The following SNURF variants were observed in gnomAD, a reference collection of about 807,000 sequenced individuals.
SNURF encodes SNURF protein.
In SNURF, 6 loss-of-function variants were observed where a neutral mutation model predicts 11.6. The ratio of observed to expected loss-of-function variants is 0.52; its 90% confidence interval spans 0.28 to 1.02. The LOEUF is 1.02. Among genes scored for constraint, SNURF ranks in the 50% least tolerant of loss-of-function variants. SNURF has a pLI of 0.09. For synonymous variants in SNURF, 29 were observed against 31.6 expected (o/e 0.92, Z 0.27); for missense variants, 84 against 88.4 (o/e 0.95, Z 0.20).
At chr15:24,962,912 TTAATTA>T (rs953227040) in intron 2 of SNURF, among the ~76,000 whole-genome samples, 2 of 152,220 alleles carry the variant, frequency 1.3e-5, no homozygotes, top group African/African-American at 4.8e-5. Flanking sequence ...ATTGTTTTTT[TTAATTA>T]TAAGTATTAA....
downstream of SNURF, among the ~76,000 whole-genome samples, chr15:24,969,270 A>C (rs564630426): frequency 2.0e-5 from 3 of 152,220 alleles, no homozygotes; most frequent in South Asian, 6.2e-4. Context: ...CTGGGATTAT[A>C]GGCACCCACC....
At chr15:24,977,090 G>C in intron 6 of SNURF, 1 of 1,404,732 alleles carries the variant, frequency 7.1e-7, no homozygotes, top group South Asian at 1.5e-5. Context: ...GGAGGCCGAG[G>C]AGATTTAAAA....
chr15:24,978,240 A>G (rs2077292709), downstream of SNURF: 4 of 1,614,052 alleles, frequency 2.5e-6, no homozygotes, highest in East Asian at 2.2e-5. Flanking sequence ...GGGCCCACCA[A>G]TTGGGCTTCC....
downstream of SNURF, among the ~76,000 whole-genome samples, chr15:24,970,492 T>C (rs188193060): frequency 1.5e-3 from 226 of 152,200 alleles, 1 homozygote; most frequent in Middle Eastern, 6.8e-3. Context: ...GGCAGGAGAA[T>C]TTCTTGAACC....
chr15:24,978,027 C>T (rs144503909), downstream of SNURF: 461 of 1,233,960 alleles, frequency 3.7e-4, 2 homozygotes, highest in African/African-American at 6.2e-3. Context: ...CTTCCTTCTT[C>T]TAGATACTGG....
exon 5 of SNURF, chr15:24,976,404 A>G (rs753186914): frequency 1.9e-6 from 3 of 1,608,868 alleles, no homozygotes; most frequent in Admixed American, 1.7e-5. Flanking sequence ...TGGAGGGGCC[A>G]CCCCCCAAAG....
intron 2 of SNURF, among the ~76,000 whole-genome samples, chr15:24,967,492 A>AT (rs2075810737): frequency 6.6e-6 from 1 of 152,056 alleles, no homozygotes; most frequent in Non-Finnish European, 1.5e-5. Context: ...ATACAAAAAA[A>AT]TTAGCCGAGA....
intron 3 of SNURF, among the ~76,000 whole-genome samples, chr15:24,975,162 A>G (rs950381866): frequency 6.6e-6 from 1 of 152,190 alleles, no homozygotes; most frequent in Non-Finnish European, 1.5e-5. Flanking sequence ...TGAGATGTGA[A>G]AAAATACTTC....
intron 4 of SNURF, chr15:24,976,155 T>A (rs965064049): frequency 4.6e-6 from 3 of 656,672 alleles, no homozygotes; most frequent in Non-Finnish European, 5.4e-6. Flanking sequence ...ATTAACTGTG[T>A]TTACAGATAT....
chr15:24,970,688 A>AT (rs2153622734), downstream of SNURF, among the ~76,000 whole-genome samples: 1 of 152,312 alleles, frequency 6.6e-6, no homozygotes, highest in South Asian at 2.1e-4. Context: ...AGGGTGTAAT[A>AT]TTAGTATGAC....
intron 1 of SNURF, among the ~76,000 whole-genome samples, chr15:24,956,278 G>A (rs2062855452): frequency 1.3e-5 from 2 of 151,176 alleles, no homozygotes; most frequent in African/African-American, 4.9e-5. Context: ...GGGGGTCTGT[G>A]TTGCGTCACT....
At chr15:24,976,817 A>G in intron 5 of SNURF, 3 of 1,472,720 alleles carry the variant, frequency 2.0e-6, no homozygotes, top group Non-Finnish European at 1.9e-6. Flanking sequence ...TCTCTGATGA[A>G]TAAGAATACT....
intron 2 of SNURF, among the ~76,000 whole-genome samples, chr15:24,965,635 G>A (rs1193521019): frequency 1.3e-5 from 2 of 152,170 alleles, no homozygotes; most frequent in African/African-American, 4.8e-5. Context: ...TTTGGGGCTG[G>A]ATGATGTATC....
At chr15:24,977,437 G>C (rs565074398) in intron 6 of SNURF, among the ~76,000 whole-genome samples, 1 of 152,086 alleles carries the variant, frequency 6.6e-6, no homozygotes, top group Non-Finnish European at 1.5e-5. Flanking sequence ...TCAGGAGTTC[G>C]ACACCAGCCC....
intron 2 of SNURF, among the ~76,000 whole-genome samples, chr15:24,964,201 C>T (rs533160884): frequency 2.0e-5 from 3 of 151,224 alleles, no homozygotes; most frequent in South Asian, 2.1e-4. Flanking sequence ...ATTTTATGTA[C>T]GTTTTGTTTG....
At chr15:24,978,628 C>A (rs757571186), downstream of SNURF, 1 of 632,978 alleles carries the variant, frequency 1.6e-6, no homozygotes, top group East Asian at 2.7e-5. Context: ...TTGATGAGAT[C>A]TTAAGTTACT....
chr15:24,974,403 C>G (rs930200833), intron 3 of SNURF: 20 of 1,595,650 alleles, frequency 1.3e-5, no homozygotes, highest in Non-Finnish European at 1.7e-5. Context: ...CCTAGGTCTT[C>G]AGAAGCATCA....
At chr15:24,977,433 G>A (rs1449375451) in intron 6 of SNURF, among the ~76,000 whole-genome samples, 2 of 152,142 alleles carry the variant, frequency 1.3e-5, no homozygotes, top group African/African-American at 4.8e-5. Flanking sequence ...GAGGTCAGGA[G>A]TTCGACACCA....
chr15:24,961,979 G>A, intron 1 of SNURF, 135 bp from the exon 2 acceptor site: 2 of 829,960 alleles, frequency 2.4e-6, no homozygotes, highest in Non-Finnish European at 4.0e-6. Context: ...TAAAGATCTT[G>A]TAATAATTTT....
Sources: allele counts gnomAD v4.1 joint callset (sites outside exome capture counted in the v4.1 genomes callset), GRCh38; gene constraint gnomAD v4.1.1; transcripts MANE v1.5; gene names NCBI Gene and HGNC (gene_info 2026-07-23, HGNC 2026-07-21).